VPS13D: variants seen among roughly 807,000 people sequenced by gnomAD.
The protein encoded by VPS13D is vacuolar protein sorting 13 homolog D.
VPS13D carries 187 observed loss-of-function variants against 461.9 expected under a neutral mutation model. The ratio of observed to expected loss-of-function variants is 0.40; its 90% CI spans 0.36 to 0.46. The LOEUF is 0.46. Among genes scored for constraint, VPS13D ranks in the 20% least tolerant of loss-of-function variants. VPS13D has a pLI of 0.60. For missense variants in VPS13D, 4,711 were observed against 5,364.9 expected (o/e 0.88, Z 3.81); for synonymous variants, 1,951 against 1,986.3 (o/e 0.98, Z 0.47).
At chr1:12,334,821 T>C (rs1443401676) in intron 38 of VPS13D, among the ~76,000 whole-genome samples, 2 of 151,014 alleles carry the variant, frequency 1.3e-5, no homozygotes, top group Admixed American at 1.3e-4. Flanking sequence ...GTGGTAAAAT[T>C]TGTTTTGTTT....
chr1:12,279,363 C>T lies in VPS13D; in HGVS notation c.4451-136C>T. 2 of 953,842 alleles carry T rather than the reference C, an allele frequency of 2.1e-6. No individual in the cohort carries two copies. The highest frequency in any genetic ancestry group is 2.9e-6 in the Non-Finnish European group (2 of 693,094). 59.1% of individuals were successfully genotyped at this position (953,842 alleles called of 1,614,324 possible). On this transcript the variant is annotated intron_variant, in intron 19 of 69. Coordinates refer to ENST00000620676, the MANE Select transcript of VPS13D (RefSeq NM_015378.4). This position sits in a 1 kb window ranked among gnomAD's most constrained non-coding sequence, Gnocchi z 4.3. ...TCAAGGTTTGCTCTCAATCATAGAC[C>T]CCGGGTGCCAGGCTAACCTGCCCTC...
chr1:12,396,550 A>T (rs1161980236), intron 60 of VPS13D, among the ~76,000 whole-genome samples: 2 of 151,616 alleles, frequency 1.3e-5, no homozygotes, highest in East Asian at 3.8e-4. Flanking sequence ...TTCCTGGTAG[A>T]CATTTCCAGA....
At chr1:12,468,652 C>G (rs774968779) in intron 67 of VPS13D, among the ~76,000 whole-genome samples, 6 of 152,216 alleles carry the variant, frequency 3.9e-5, no homozygotes, top group Admixed American at 2.6e-4. Context: ...GTCTCCTTCT[C>G]AAAGACATTT....
intron 22 of VPS13D, among the ~76,000 whole-genome samples, chr1:12,290,539 G>A (rs961549449): frequency 3.8e-4 from 58 of 152,070 alleles, no homozygotes; most frequent in African/African-American, 1.1e-3. Flanking sequence ...TGGCTAACAC[G>A]GTGAAACCCC....
rs559160265 is a variant in VPS13D at position 12,476,488 on chromosome 1, G to A, written c.12662+16092G>A. 4.6e-5 allele frequency among the ~76,000 whole-genome samples: 7 copies of A among 152,346 alleles called. No individual in the cohort carries two copies. The East Asian group carries it at 1.2e-3, about 25-fold the overall frequency. On this transcript the variant is annotated intron_variant, in intron 67 of 69. Transcript: ENST00000620676. ...ACTGGATTCATTTACGTGTATTAAT[G>A]TAACCTGCGTGATCATGTGAGTGCA... is the stretch of plus-strand genomic sequence containing the variant.
rs764914623 is a variant in VPS13D, at chr1:12,277,994, A to G, written c.4406A>G (p.His1469Arg). The G allele has an allele frequency of 2.5e-6, 4 of 1,614,126 alleles. No homozygotes were observed. The highest frequency in any genetic ancestry group is 4.5e-5 in the East Asian group (2 of 44,886). ...AGTGCCAACAGTCAGGAGGAAGCTC[A>G]TTTCACACGACATGATTTCTTTGAA... ...SGSANSQEEA[H>R]FTRHDFFESL... Residue 1469 changes from histidine (H) to arginine (R), a missense_variant, in exon 19 of 70, where the codon CAT becomes CGT. This residue lies in a region of VPS13D where 4,411 missense variants were observed against 4,937.8 expected (regional missense o/e 0.89). Coordinates refer to ENST00000620676, the MANE Select transcript of VPS13D (RefSeq NM_015378.4).
intron 65 of VPS13D, among the ~76,000 whole-genome samples, chr1:12,450,893 C>G (rs1173819311): frequency 6.6e-6 from 1 of 152,166 alleles, no homozygotes; most frequent in African/African-American, 2.4e-5. Context: ...TATTTGGTTA[C>G]CATCTTCCCT....
intron 52 of VPS13D, among the ~76,000 whole-genome samples, chr1:12,364,642 T>A (rs1179055217): frequency 6.6e-6 from 1 of 152,186 alleles, no homozygotes; most frequent in Non-Finnish European, 1.5e-5. Context: ...TCACCAACAC[T>A]TGTTTTCTTT....
At chr1:12,407,486 ACTGT>A (rs1274499906) in intron 63 of VPS13D, among the ~76,000 whole-genome samples, 2 of 152,248 alleles carry the variant, frequency 1.3e-5, no homozygotes, top group African/African-American at 4.8e-5. Context: ...ATAACAGGAA[ACTGT>A]CTGCTGCTTG....
chr1:12,363,951 C>CAA (rs70987247), intron 52 of VPS13D, among the ~76,000 whole-genome samples: 10 of 44,606 alleles, frequency 2.2e-4, no homozygotes, highest in Non-Finnish European at 2.9e-4. Context: ...GACTCTATCT[C>CAA]AAAAAAAAAA....
intron 26 of VPS13D, among the ~76,000 whole-genome samples, chr1:12,305,495 C>A (rs969430456): frequency 1.6e-4 from 24 of 152,058 alleles, no homozygotes; most frequent in African/African-American, 5.3e-4. Context: ...TGCTATGTTG[C>A]TCAGGCTGGG....
At chr1:12,301,501 C>A (rs1642424578) in intron 25 of VPS13D, among the ~76,000 whole-genome samples, 1 of 152,140 alleles carries the variant, frequency 6.6e-6, no homozygotes, top group South Asian at 2.1e-4. Context: ...AGGGCGAGAC[C>A]CCGCAGCGTC....
intron 44 of VPS13D, among the ~76,000 whole-genome samples, chr1:12,347,626 A>G (rs555026378): frequency 6.6e-6 from 1 of 152,334 alleles, no homozygotes; most frequent in African/African-American, 2.4e-5. Flanking sequence ...TGGACTTCCT[A>G]GAAGTCTTGG....
At chr1:12,315,049 A>G (rs1040329118) in intron 30 of VPS13D, among the ~76,000 whole-genome samples, 3 of 152,236 alleles carry the variant, frequency 2.0e-5, no homozygotes, top group Admixed American at 6.5e-5. Context: ...CTGATATAAC[A>G]TGTTGTTTTA....
intron 68 of VPS13D, among the ~76,000 whole-genome samples, chr1:12,500,836 G>C (rs139809248): frequency 0.019 from 2,872 of 150,894 alleles, 106 homozygotes; most frequent in Admixed American, 0.099. Flanking sequence ...GCCAAAGTGG[G>C]AGGATCGCTT....
chr1:12,415,132 G>C lies in VPS13D; in HGVS notation c.12076G>C (p.Ala4026Pro). 6.2e-7 allele frequency: 1 copy of C among 1,614,030 alleles called. No individual in the cohort carries two copies. Among genetic ancestry groups the C allele is most frequent in the Non-Finnish European group, 8.5e-7 (1 of 1,179,990 alleles). ...LGFPLIRFEDAVINLDPFTRV... is the reference protein window; with the variant it reads ...LGFPLIRFEDPVINLDPFTRV... The stretch of plus-strand genomic sequence containing the variant: ...GTTTCCTTTGATACGGTTTGAAGAC[G>C]CTGTGATTAATCTAGATCCATTCAC... The change falls in exon 64 of 70, where the codon GCT becomes CCT. Residue 4026 changes from alanine to proline, a missense_variant. By Grantham distance (27) the Ala-to-Pro change is conservative (BLOSUM62 -1). Transcript: ENST00000620676.
chr1:12,416,474 G>A (rs1025531488), intron 64 of VPS13D, among the ~76,000 whole-genome samples, 186 bp from the exon 65 acceptor site: 14 of 152,200 alleles, frequency 9.2e-5, no homozygotes, highest in Non-Finnish European at 8.8e-5. Flanking sequence ...AGAAGCTTAG[G>A]TGGTGCTCCT....
intron 68 of VPS13D, among the ~76,000 whole-genome samples, chr1:12,504,584 T>G (rs1229751051): frequency 6.6e-6 from 1 of 152,166 alleles, no homozygotes; most frequent in Non-Finnish European, 1.5e-5. Context: ...ATCAGAGAGA[T>G]GAAAGAGTCT....
intron 59 of VPS13D, 143 bp from the exon 60 acceptor site, chr1:12,386,042 A>G: frequency 1.1e-6 from 1 of 902,418 alleles, no homozygotes; most frequent in Non-Finnish European, 1.6e-6. Flanking sequence ...CTCCAGGTAA[A>G]TAATAGGACT....
Sources: allele counts gnomAD v4.1 joint callset (sites outside exome capture counted in the v4.1 genomes callset), GRCh38; gene constraint gnomAD v4.1.1; regional missense constraint gnomAD v4.1.1; non-coding constraint Gnocchi (gnomAD v3.1); transcripts MANE v1.5; gene names NCBI Gene and HGNC (gene_info 2026-07-23, HGNC 2026-07-21).